AHNAK: variants seen among roughly 807,000 people sequenced by gnomAD.
AHNAK encodes AHNAK nucleoprotein.
AHNAK carries 23 observed loss-of-function variants against 37.8 expected under a neutral mutation model. That is an observed-to-expected ratio of 0.61 (90% CI 0.44 to 0.86). AHNAK has a LOEUF of 0.86. AHNAK is among the 40% of genes least tolerant of loss of function. The pLI, the probability that AHNAK is intolerant of heterozygous loss-of-function variation, is 0.00. For synonymous variants in AHNAK, 2,481 were observed against 2,636.3 expected (o/e 0.94, Z 1.80); for missense variants, 7,411 against 7,319.4 (o/e 1.01, Z -0.46).
Position 62,529,736 on chromosome 11 carries a change from T to C in AHNAK, c.4681A>G (p.Lys1561Glu). ...ATCTTGAACTTAGGGCCTTTTAGTT[T>C]CCCCTCTGGAGCTTCAAGATTCACA... ...PDVNLEAPEG[K>E]LKGPKFKMPS... is the part of the protein sequence containing the mutation. The change falls in exon 5 of 5, where the codon AAA becomes GAA. Residue 1561 changes from lysine to glutamate, a missense_variant. Coordinates refer to ENST00000378024, the MANE Select transcript of AHNAK (RefSeq NM_001620.3). 1 of 1,614,034 alleles carries C rather than the reference T, an allele frequency of 6.2e-7. No homozygotes were observed. Among genetic ancestry groups the C allele is most frequent in the Non-Finnish European group, 8.5e-7 (1 of 1,180,014 alleles).
chr11:62,453,169 C>G (rs1036978364), intron 5 of AHNAK, among the ~76,000 whole-genome samples: 21 of 152,130 alleles, frequency 1.4e-4, no homozygotes, highest in African/African-American at 5.1e-4. Context: ...GAGGAATGGA[C>G]ACCATCACCT....
rs1940656825 is a variant in AHNAK, at chr11:62,529,781, C to T, written c.4636G>A (p.Val1546Met). The change falls in exon 5 of 5, where the codon GTG (valine) becomes ATG (methionine). Residue 1546 changes from valine to methionine, a missense_variant. Physicochemically the swap from Val to Met is conservative, Grantham distance 21 (BLOSUM62 1). Transcript: ENST00000378024. Reference sequence around the variant, plus strand: ...TTCACATCTGGAACATCAATGTCCACCTTGGGTCCTGAAACACCAAGGTCA... The same window carrying T: ...TTCACATCTGGAACATCAATGTCCATCTTGGGTCCTGAAACACCAAGGTCA... Reference protein sequence around the residue: ...KADLGVSGPKVDIDVPDVNLE... With the variant: ...KADLGVSGPKMDIDVPDVNLE... 1.2e-6 allele frequency: 2 copies of T among 1,614,188 alleles called. No individual in the cohort carries two copies. Among genetic ancestry groups the T allele is most frequent in the Non-Finnish European group, 1.7e-6 (2 of 1,180,036 alleles).
chr11:62,434,041 G>A lies in AHNAK; in HGVS notation c.443-150C>T, dbSNP rs957997429. On this transcript the variant is annotated intron_variant, in intron 5 of 5. Coordinates refer to the AHNAK transcript ENST00000257247. ...CCAAACAAATGCTTGCCTCTGGAAG[G>A]GATAGATTTGGAAAGGATCCTGCTG... 8 of 1,007,110 alleles carry A rather than the reference G, an allele frequency of 7.9e-6. No individual in the cohort carries two copies. The African/African-American group carries it at 1.1e-4, about 14-fold the overall frequency. The allele number at this position is 1,007,110 out of a possible 1,614,324, so 62.4% of individuals were successfully genotyped here.
chr11:62,493,683 C>A (rs1434610461), intron 4 of AHNAK, among the ~76,000 whole-genome samples: 7 of 151,784 alleles, frequency 4.6e-5, no homozygotes, highest in Non-Finnish European at 1.0e-4. Context: ...GTTGACCAGG[C>A]TGGTCTTGAA....
At chr11:62,490,203 T>TC (rs1251246372) in intron 5 of AHNAK, among the ~76,000 whole-genome samples, 25 of 139,518 alleles carry the variant, frequency 1.8e-4, no homozygotes, top group African/African-American at 6.6e-4. Flanking sequence ...TTTTCTTTTT[T>TC]TTTTTTTTTT....
intron 1 of AHNAK, among the ~76,000 whole-genome samples, chr11:62,538,591 C>T (rs527920014): frequency 4.9e-4 from 75 of 152,334 alleles, no homozygotes; most frequent in African/African-American, 1.7e-3. Flanking sequence ...CCTCCATATG[C>T]CCAACACTAT....
chr11:62,523,193 C>A lies in AHNAK; in HGVS notation c.11224G>T (p.Ala3742Ser), dbSNP rs374771447. Reference sequence around the variant, plus strand: ...ATGTCAGGCATCGATATTTTGGGAGCCTTCAGGTGCATCTCTGGTATCTTA... The same window carrying A: ...ATGTCAGGCATCGATATTTTGGGAGACTTCAGGTGCATCTCTGGTATCTTA... ...KFKIPEMHLK[A>S]PKISMPDIDL... Residue 3742 changes from alanine (A) to serine (S), a missense_variant, in exon 5 of 5, where the codon GCT becomes TCT. Physicochemically the swap from Ala to Ser is moderately conservative, Grantham distance 99 (BLOSUM62 1). Coordinates refer to ENST00000378024, the MANE Select transcript of AHNAK (RefSeq NM_001620.3). 15 of 1,613,870 alleles carry A rather than the reference C, an allele frequency of 9.3e-6. No individual in the cohort carries two copies. In the South Asian group the frequency reaches 1.1e-4, roughly 12 times the overall value.
Position 62,526,121 on chromosome 11 carries a change from T to A in AHNAK, c.8296A>T (p.Met2766Leu). 1 of 1,613,458 alleles carries A rather than the reference T, an allele frequency of 6.2e-7. No individual in the cohort carries two copies. The highest frequency in any genetic ancestry group is 8.5e-7 in the Non-Finnish European group (1 of 1,179,868). The change falls in exon 5 of 5, where the codon ATG becomes TTG. Residue 2766 changes from methionine to leucine, a missense_variant. Physicochemically the swap from Met to Leu is conservative, Grantham distance 15 (BLOSUM62 2). Coordinates refer to ENST00000378024, the MANE Select transcript of AHNAK (RefSeq NM_001620.3). Reference protein sequence around the residue: ...DVHGPDWHLKMPKIKMPKISM... With the variant: ...DVHGPDWHLKLPKIKMPKISM... ...ATCTTGGGCATTTTTATCTTGGGCA[T>A]CTTTAGGTGCCAGTCTGGGCCATGA...
At chr11:62,541,975 T>A (rs1220194856) in intron 1 of AHNAK, 1 of 152,240 alleles carries the variant, frequency 6.6e-6, no homozygotes, top group African/African-American at 2.4e-5. Flanking sequence ...CATCTCAGAG[T>A]CTAAGCTGGC....
rs755826488 is a variant in AHNAK at position 62,521,874 on chromosome 11, G to C, written c.12543C>G (p.Gly4181=). Residue 4181 remains glycine (G), a synonymous_variant, in exon 5 of 5, where the codon GGC becomes GGG. Transcript: ENST00000378024. ...TGGGCATTTTTAAGTGCCAGTCTGG[G>C]CCTTGAACGTCCACATCTGGGACAT... The part of the protein sequence containing the change: ...DIDVPDVDVQ[G]PDWHLKMPKV... 6.2e-7 allele frequency: 1 copy of C among 1,612,356 alleles called. No homozygotes were observed. Among genetic ancestry groups the C allele is most frequent in the Non-Finnish European group, 8.5e-7 (1 of 1,179,672 alleles).
chr11:62,530,856 C>T lies in AHNAK; in HGVS notation c.3561G>A (p.Glu1187=), dbSNP rs1409523139. 6.8e-6 allele frequency: 11 copies of T among 1,614,050 alleles called. No individual in the cohort carries two copies. Among genetic ancestry groups the T allele is most frequent in the Non-Finnish European group, 9.3e-6 (11 of 1,180,008 alleles). The change falls in exon 5 of 5, where the codon GAG becomes GAA. Residue 1187 remains glutamate (E), a synonymous_variant. Coordinates refer to ENST00000378024, the MANE Select transcript of AHNAK (RefSeq NM_001620.3). ...KLKGPKFKMP[E]MHFKTPKISM... ...AGATCTTGGGGGTCTTGAAATGCAT[C>T]TCAGGCATCTTAAACTTGGGACCCT... is the stretch of plus-strand genomic sequence containing the variant.
intron 5 of AHNAK, chr11:62,433,945 A>G: frequency 6.3e-7 from 1 of 1,599,206 alleles, no homozygotes. Flanking sequence ...GCATCTCTCC[A>G]TAAAATCAGA....
chr11:62,446,566 G>A lies in AHNAK; in HGVS notation c.443-12675C>T, dbSNP rs1253388976. Among the ~76,000 whole-genome samples, 3 of 152,262 alleles carry A rather than the reference G, an allele frequency of 2.0e-5. No homozygotes were observed. The East Asian group carries it at 5.8e-4, about 29-fold the overall frequency. The stretch of plus-strand genomic sequence containing the variant: ...TCAGATGATTAAAACAAAGATGCAG[G>A]AGAGGTGAAGGTCATGGATTCAATC... On this transcript the variant is annotated intron_variant, in intron 5 of 5. Coordinates refer to the AHNAK transcript ENST00000257247.
chr11:62,540,096 C>T (rs1565251873), intron 1 of AHNAK, among the ~76,000 whole-genome samples: 1 of 152,194 alleles, frequency 6.6e-6, no homozygotes, highest in Non-Finnish European at 1.5e-5. Flanking sequence ...GGGCTCTGCC[C>T]TGTTGCTAGC....
chr11:62,503,452 G>A (rs1404103954), intron 4 of AHNAK, among the ~76,000 whole-genome samples: 9 of 151,850 alleles, frequency 5.9e-5, no homozygotes, highest in Non-Finnish European at 8.8e-5. Context: ...GCATGGTGGC[G>A]GGCGCCTGTA....
chr11:62,532,568 C>T lies in AHNAK; in HGVS notation c.1849G>A (p.Val617Ile), dbSNP rs1940796109. 5 of 1,614,060 alleles carry T rather than the reference C, an allele frequency of 3.1e-6. No homozygotes were observed. Among genetic ancestry groups the T allele is most frequent in the Non-Finnish European group, 4.2e-6 (5 of 1,180,034 alleles). Residue 617 changes from valine to isoleucine, a missense_variant, in exon 5 of 5, where the codon GTC (valine) becomes ATC (isoleucine). Val to Ile is a conservative substitution (Grantham distance 29, BLOSUM62 3). Transcript: ENST00000378024. ...TTCCATTCTGGGCCATGCGCTTCGA[C>T]ATCTGGGGCACTGACATCCACTTTG... ...GPKVDVSAPD[V>I]EAHGPEWNLK...
chr11:62,537,931 C>T (rs531423584), intron 1 of AHNAK, among the ~76,000 whole-genome samples: 1 of 152,266 alleles, frequency 6.6e-6, no homozygotes, highest in South Asian at 2.1e-4. Flanking sequence ...ATCCACCCGC[C>T]TTGGCCTCCC....
Position 62,532,817 on chromosome 11 carries a change from C to T in AHNAK, c.1600G>A (p.Val534Met), listed in dbSNP as rs1264128512. 6.2e-7 allele frequency: 1 copy of T among 1,614,090 alleles called. No individual in the cohort carries two copies. The highest frequency in any genetic ancestry group is 8.5e-7 in the Non-Finnish European group (1 of 1,179,970). Residue 534 changes from valine to methionine, a missense_variant, in exon 5 of 5, where the codon GTG becomes ATG. Transcript: ENST00000378024. ...GVQGDVKGPQ[V>M]ALKGSRVDIE... ...TCCACTCTGGAGCCTTTAAGTGCCA[C>T]TTGAGGGCCTTTAACATCACCTTGC...
chr11:62,521,789 C>T lies in AHNAK; in HGVS notation c.12628G>A (p.Val4210Met). ...TCAAGGTCAGCCTTGGGCAGGTTCACATCCACATCTGGGCCCTCTCCTTTG... is the reference window on the plus strand; with the variant it reads ...TCAAGGTCAGCCTTGGGCAGGTTCATATCCACATCTGGGCCCTCTCCTTTG... ...GFKGEGPDVD[V>M]NLPKADLDVS... Residue 4210 changes from valine (V) to methionine (M), a missense_variant, in exon 5 of 5, where the codon GTG (valine) becomes ATG (methionine). By Grantham distance (21) the Val-to-Met change is conservative. Transcript: ENST00000378024. 6.2e-7 allele frequency: 1 copy of T among 1,613,754 alleles called. No individual in the cohort carries two copies. The highest frequency in any genetic ancestry group is 8.5e-7 in the Non-Finnish European group (1 of 1,179,988).
Sources: allele counts gnomAD v4.1 joint callset (sites outside exome capture counted in the v4.1 genomes callset), GRCh38; gene constraint gnomAD v4.1.1; transcripts MANE v1.5; gene names NCBI Gene and HGNC (gene_info 2026-07-23, HGNC 2026-07-21).